Variants in LUZP2 observed in about 807,000 individuals in gnomAD.
LUZP2 encodes leucine zipper protein 2.
LUZP2 carries 52 observed loss-of-function variants against 51.6 expected under a neutral mutation model. The ratio of observed to expected loss-of-function variants is 1.01; its 90% CI spans 0.81 to 1.27. The LOEUF (loss-of-function observed/expected upper bound fraction) is 1.27, where lower values mean the gene tolerates loss of function less well. Ranked by LOEUF, LUZP2 falls within the 50% of genes most tolerant of loss-of-function variation. The pLI is 0.00. For synonymous variants in LUZP2, 154 were observed against 137.3 expected (o/e 1.12, Z -0.85); for missense variants, 436 against 395.4 (o/e 1.10, Z -0.87).
At position 25,081,837 on chromosome 11, in the gene LUZP2, A is replaced by T. The variant is rs1859467940; in HGVS notation, c.*3179A>T. Reference sequence around the variant, plus strand: ...AAACATGGAATTGATTCTTATTAAGAAAAAAGATATTTTCCAATGGAGTAA... The same window carrying T: ...AAACATGGAATTGATTCTTATTAAGTAAAAAGATATTTTCCAATGGAGTAA... On this transcript the variant is annotated 3_prime_UTR_variant, in exon 12 of 12. Transcript: ENST00000336930. The T allele has an allele frequency of 6.6e-6, 1 of 152,206 alleles. No individual in the cohort carries two copies. The highest frequency in any genetic ancestry group is 6.5e-5 in the Admixed American group (1 of 15,280). 9.4% of individuals were successfully genotyped at this position (152,206 alleles called of 1,614,324 possible).
At chr11:24,748,326 T>G (rs1859452986) in intron 4 of LUZP2, among the ~76,000 whole-genome samples, 1 of 152,126 alleles carries the variant, frequency 6.6e-6, no homozygotes, top group African/African-American at 2.4e-5. Flanking sequence ...GTTTCCACAG[T>G]CAGGGTGTGT....
intron 1 of LUZP2, among the ~76,000 whole-genome samples, chr11:24,642,768 G>GT (rs112005238): frequency 1.9e-4 from 29 of 151,580 alleles, no homozygotes; most frequent in Middle Eastern, 3.4e-3. Flanking sequence ...AGAGAAAGTG[G>GT]TTTTTCTTTT....
intron 10 of LUZP2, among the ~76,000 whole-genome samples, chr11:25,070,520 G>A (rs1859123909): frequency 7.1e-6 from 1 of 140,792 alleles, no homozygotes; most frequent in South Asian, 2.3e-4. Flanking sequence ...GTCTGCCTGT[G>A]AGAACCTATC....
chr11:24,913,199 A>G (rs1853692965), intron 6 of LUZP2, among the ~76,000 whole-genome samples: 2 of 152,214 alleles, frequency 1.3e-5, no homozygotes. Flanking sequence ...CCCCATGTCA[A>G]CTACTAAACT....
At chr11:24,755,990 G>C (rs572306206) in intron 4 of LUZP2, among the ~76,000 whole-genome samples, 1 of 152,148 alleles carries the variant, frequency 6.6e-6, no homozygotes, top group East Asian at 1.9e-4. Context: ...GATAAGAGAC[G>C]TTTGCCATCT....
At chr11:24,687,257 A>G (rs1250899376) in intron 1 of LUZP2, among the ~76,000 whole-genome samples, 1 of 152,218 alleles carries the variant, frequency 6.6e-6, no homozygotes, top group Non-Finnish European at 1.5e-5. Context: ...AATAAAAAAA[A>G]AATTTGAAAC....
At chr11:24,597,088 G>A (rs1329813295) in intron 1 of LUZP2, among the ~76,000 whole-genome samples, 1 of 152,070 alleles carries the variant, frequency 6.6e-6, no homozygotes, top group Non-Finnish European at 1.5e-5. Flanking sequence ...AAGATAAAAT[G>A]GTTAGAGTCA....
chr11:24,705,911 A>C (rs1857565355), intron 1 of LUZP2, among the ~76,000 whole-genome samples: 1 of 151,008 alleles, frequency 6.6e-6, no homozygotes, highest in African/African-American at 2.4e-5. Context: ...AATGGAAAAT[A>C]TGTGCTCATA....
At chr11:24,506,146 G>C (rs1377872728) in intron 1 of LUZP2, among the ~76,000 whole-genome samples, 1 of 152,090 alleles carries the variant, frequency 6.6e-6, no homozygotes, top group Non-Finnish European at 1.5e-5. Context: ...GTCCAGAAGA[G>C]GGACTAGGAT....
chr11:25,015,897 CTT>C (rs553027081), intron 9 of LUZP2, among the ~76,000 whole-genome samples: 4 of 134,062 alleles, frequency 3.0e-5, no homozygotes, highest in Non-Finnish European at 1.6e-5. Context: ...GTGTGAATTT[CTT>C]TTTTTTTTTT....
chr11:25,064,233 G>A (rs942415954), intron 10 of LUZP2, among the ~76,000 whole-genome samples: 14 of 151,868 alleles, frequency 9.2e-5, no homozygotes, highest in Non-Finnish European at 1.0e-4. Flanking sequence ...ATTATTTTCT[G>A]ATAATATCTA....
intron 5 of LUZP2, among the ~76,000 whole-genome samples, chr11:24,882,191 A>G (rs1319643549): frequency 6.6e-6 from 1 of 152,054 alleles, no homozygotes; most frequent in African/African-American, 2.4e-5. Flanking sequence ...GAGAGGTCCA[A>G]CATACTTTAA....
chr11:24,917,942 T>A (rs1853851828), intron 7 of LUZP2, among the ~76,000 whole-genome samples: 1 of 152,070 alleles, frequency 6.6e-6, no homozygotes, highest in Non-Finnish European at 1.5e-5. Context: ...GCCATTTTCA[T>A]GATATTGATT....
At chr11:25,020,899 A>G (rs1857314858) in intron 9 of LUZP2, among the ~76,000 whole-genome samples, 1 of 152,140 alleles carries the variant, frequency 6.6e-6, no homozygotes, top group Non-Finnish European at 1.5e-5. Context: ...ATTAAATTAG[A>G]AATGCTACAA....
At position 25,077,375 on chromosome 11, in the gene LUZP2, A is replaced by T. The variant is rs1186732752; in HGVS notation, c.905A>T (p.Asn302Ile). Residue 302 changes from asparagine (N) to isoleucine (I), a missense_variant, in exon 11 of 12, where the codon AAT becomes ATT. By Grantham distance (149) the Asn-to-Ile change is moderately radical (BLOSUM62 -3). Transcript: ENST00000336930. ...SMKHKESPPS[N>I]ATAETEPIPQ... is the part of the protein sequence containing the mutation. Reference sequence around the variant, plus strand: ...AAGCACAAAGAAAGTCCCCCAAGTAATGCCACTGCAGAAACCGAGCCTATC... The same window carrying T: ...AAGCACAAAGAAAGTCCCCCAAGTATTGCCACTGCAGAAACCGAGCCTATC... The T allele has an allele frequency of 3.1e-6, 5 of 1,613,110 alleles. No individual in the cohort carries two copies. The highest frequency in any genetic ancestry group is 2.7e-5 in the African/African-American group (2 of 74,992).
chr11:24,615,464 A>G (rs962287307), intron 1 of LUZP2, among the ~76,000 whole-genome samples: 2 of 152,044 alleles, frequency 1.3e-5, no homozygotes, highest in Non-Finnish European at 2.9e-5. Context: ...CTGGAGACTC[A>G]TCCAAATTGT....
intron 1 of LUZP2, among the ~76,000 whole-genome samples, chr11:24,633,332 A>G (rs1480561912): frequency 6.6e-6 from 1 of 152,050 alleles, no homozygotes; most frequent in East Asian, 1.9e-4. Context: ...ATCCAAATAT[A>G]TAAAGTTGAC....
At chr11:24,890,822 CAG>C in intron 5 of LUZP2, 1 of 761,424 alleles carries the variant, frequency 1.3e-6, no homozygotes, top group Non-Finnish European at 1.6e-6. Flanking sequence ...AATATGCTAA[CAG>C]AAATTTCTAA....
chr11:24,881,593 T>A (rs531249065), intron 5 of LUZP2, among the ~76,000 whole-genome samples: 14 of 151,988 alleles, frequency 9.2e-5, no homozygotes, highest in Non-Finnish European at 2.1e-4. Flanking sequence ...AAAGTAACAT[T>A]TACTCACCAC....
Sources: allele counts gnomAD v4.1 joint callset (sites outside exome capture counted in the v4.1 genomes callset), GRCh38; gene constraint gnomAD v4.1.1; transcripts MANE v1.5; gene names NCBI Gene and HGNC (gene_info 2026-07-23, HGNC 2026-07-21).